The following SLC16A2 variants were observed in gnomAD, a reference collection of about 807,000 sequenced individuals.
SLC16A2 encodes the protein solute carrier family 16 member 2, also known as monocarboxylate transporter 8.
SLC16A2 carries 3 observed loss-of-function variants against 27.2 expected under a neutral mutation model. That is an observed-to-expected ratio of 0.11 (90% CI 0.05 to 0.28). SLC16A2 has a LOEUF of 0.28. Ranked by LOEUF, SLC16A2 falls within the 10% of genes least tolerant of loss-of-function variation. The pLI is 1.00. For missense variants in SLC16A2, 295 were observed against 458.5 expected, an observed-to-expected ratio of 0.64 and a Z score of 3.26; for synonymous variants, 202 against 187.8, an observed-to-expected ratio of 1.08 and a Z score of -0.62.
At chrX:74,452,666 A>G (rs1481992685) in intron 1 of SLC16A2, among the ~76,000 whole-genome samples, 1 of 111,385 alleles carries the variant, frequency 9.0e-6, no homozygotes, top group Non-Finnish European at 1.9e-5. Flanking sequence ...ATACATATAC[A>G]TTATTGCATA....
At position 74,447,445 on chromosome X, in the gene SLC16A2, GGAGGATCACTT is replaced by G. The variant is rs763002540; in HGVS notation, c.430+25383_430+25393del. Among the ~76,000 whole-genome samples the G allele has an allele frequency of 3.8e-4, 42 of 111,188 alleles. 2 individuals are homozygous for G. In the East Asian group the frequency reaches 4.0e-3, roughly 10 times the overall value. ...CCCAACACTTTGGGAGGCTGAGGTG[GGAGGATCACTT>G]GAGGCCAGGAGTTCAAGACCAGCCT... is the stretch of plus-strand genomic sequence containing the variant. On this transcript the variant is annotated intron_variant, in intron 1 of 5. Coordinates refer to ENST00000587091, the MANE Select transcript of SLC16A2 (RefSeq NM_006517.5).
intron 1 of SLC16A2, among the ~76,000 whole-genome samples, chrX:74,428,193 G>T (rs986535176): frequency 9.0e-6 from 1 of 111,312 alleles, no homozygotes; most frequent in Non-Finnish European, 1.9e-5. Flanking sequence ...GGTGACAGAA[G>T]ACTAAACCTA....
Position 74,531,698 on chromosome X carries a change from A to G in SLC16A2, c.*145A>G. 1 of 525,151 alleles carries G rather than the reference A, an allele frequency of 1.9e-6. No individual in the cohort carries two copies. The allele number at this position is 525,151 out of a possible 1,213,427, so 43.3% of individuals were successfully genotyped here. Reference sequence around the variant, plus strand: ...CACCTGACAATCTCCTTGGAGTCAAAGCTCCAGGTGTTCCAAACTCATTAA... The same window carrying G: ...CACCTGACAATCTCCTTGGAGTCAAGGCTCCAGGTGTTCCAAACTCATTAA... On this transcript the variant is annotated 3_prime_UTR_variant, in exon 6 of 6. Transcript: ENST00000587091.
chrX:74,491,287 C>G (rs146196990), intron 1 of SLC16A2, among the ~76,000 whole-genome samples: 1 of 111,876 alleles, frequency 8.9e-6, no homozygotes, highest in African/African-American at 3.3e-5. Flanking sequence ...TTAAGATATA[C>G]ATTGGTTTGG....
At chrX:74,447,110 C>G (rs888474228) in intron 1 of SLC16A2, among the ~76,000 whole-genome samples, 1 of 112,128 alleles carries the variant, frequency 8.9e-6, no homozygotes, top group Non-Finnish European at 1.9e-5. Flanking sequence ...GCATTCCTCC[C>G]CACCCTGTCC....
chrX:74,436,219 G>T (rs1209625212), intron 1 of SLC16A2, among the ~76,000 whole-genome samples: 1 of 109,359 alleles, frequency 9.1e-6, no homozygotes, highest in Non-Finnish European at 1.9e-5. Context: ...GTGTGTGTGC[G>T]CATGCGTGCA....
In SLC16A2 at chrX:74,421,777, C is replaced by A; in HGVS notation, c.140C>A (p.Pro47His). ...CCCGAGCCCGAGCCCGTGCCAGTGC[C>A]CCCGCCCGAGCCCCAGCCGGAGCCC... ...PEPEPEPVPV[P>H]PPEPQPEPQP... Residue 47 changes from proline (P) to histidine (H), a missense_variant, in exon 1 of 6, where the codon CCC becomes CAC. Physicochemically the swap from Pro to His is moderately conservative, Grantham distance 77 (BLOSUM62 -2). Around this residue, in one of 3 missense-constraint regions of SLC16A2, gnomAD observed 92 missense variants for 85.1 expected, o/e 1.08. Transcript: ENST00000587091. 8.7e-7 allele frequency: 1 copy of A among 1,145,199 alleles called. No individual in the cohort carries two copies. The allele number at this position is 1,145,199 out of a possible 1,213,427, so 94.4% of individuals were successfully genotyped here. A position where few individuals can be genotyped will look rare whatever the true frequency, so the allele number is the denominator to read the frequency against.
rs375146614 is a variant in SLC16A2 at position 74,520,963 on chromosome X, G to C, written c.431-27G>C. The C allele has an allele frequency of 7.4e-6, 9 of 1,209,248 alleles. No homozygotes were observed. The African/African-American group carries it at 1.4e-4, about 19-fold the overall frequency. ...CCACCAGGCACTACACTAAGCTAAAGTGTCTTTGCACTTGTTTTCTCTGCA... is the reference window on the plus strand; with the variant it reads ...CCACCAGGCACTACACTAAGCTAAACTGTCTTTGCACTTGTTTTCTCTGCA... On this transcript the variant is annotated intron_variant, in intron 1 of 5. Transcript: ENST00000587091.
At chrX:74,529,078 T>G in intron 4 of SLC16A2, 135 bp from the exon 5 acceptor site, 1 of 477,607 alleles carries the variant, frequency 2.1e-6, no homozygotes, top group Non-Finnish European at 3.7e-6. Context: ...GCCCAACTGC[T>G]CTCTCTGTTG....
chrX:74,434,193 C>A (rs999532052), intron 1 of SLC16A2, among the ~76,000 whole-genome samples: 5 of 111,701 alleles, frequency 4.5e-5, no homozygotes, highest in Non-Finnish European at 9.4e-5. Context: ...AGACATAACA[C>A]ACCAAACAAC....
intron 1 of SLC16A2, among the ~76,000 whole-genome samples, chrX:74,476,040 G>T (rs1225221136): frequency 9.0e-6 from 1 of 111,006 alleles, no homozygotes; most frequent in African/African-American, 3.3e-5. Flanking sequence ...AGCTTGATGG[G>T]GATGGCATTG....
chrX:74,481,974 G>A (rs371117591), intron 1 of SLC16A2, among the ~76,000 whole-genome samples: 1 of 109,794 alleles, frequency 9.1e-6, no homozygotes. Flanking sequence ...GTAACCAATA[G>A]CAGTTTCTCC....
intron 1 of SLC16A2, among the ~76,000 whole-genome samples, chrX:74,424,099 G>A (rs1408309526): frequency 9.2e-6 from 1 of 108,481 alleles, no homozygotes; most frequent in East Asian, 2.9e-4. Flanking sequence ...AGAGGGTGGG[G>A]GTGGTGGTGG....
chrX:74,459,777 G>A (rs181181205), intron 1 of SLC16A2, among the ~76,000 whole-genome samples: 1 of 111,364 alleles, frequency 9.0e-6, no homozygotes, highest in Admixed American at 9.6e-5. Flanking sequence ...TCCAGACTCG[G>A]GTGATTAAGA....
chrX:74,496,456 A>G, intron 1 of SLC16A2, among the ~76,000 whole-genome samples: 1 of 112,107 alleles, frequency 8.9e-6, no homozygotes, highest in Non-Finnish European at 1.9e-5. Context: ...CAAGGGGGAC[A>G]TGGCCTCAGC....
intron 1 of SLC16A2, among the ~76,000 whole-genome samples, chrX:74,454,327 C>T (rs1404921088): frequency 9.1e-6 from 1 of 110,180 alleles, no homozygotes; most frequent in East Asian, 2.8e-4. Flanking sequence ...GGAACCAACC[C>T]AAATGTCCAA....
At chrX:74,439,188 T>TTTCTTTCTTTC (rs1569284648) in intron 1 of SLC16A2, among the ~76,000 whole-genome samples, 4 of 90,994 alleles carry the variant, frequency 4.4e-5, no homozygotes, top group South Asian at 5.5e-4. Flanking sequence ...TTCTTTCTTT[T>TTTCTTTCTTTC]TCTTTCTTTC....
At chrX:74,513,054 G>T (rs1375569808) in intron 1 of SLC16A2, among the ~76,000 whole-genome samples, 1 of 111,442 alleles carries the variant, frequency 9.0e-6, no homozygotes, top group African/African-American at 3.3e-5. Flanking sequence ...GAACCACTGA[G>T]GAAAAGTGTG....
intron 1 of SLC16A2, among the ~76,000 whole-genome samples, chrX:74,428,594 CTCCTACACA>C (rs1482130587): frequency 4.0e-4 from 44 of 111,291 alleles, no homozygotes; most frequent in Non-Finnish European, 1.1e-4. Flanking sequence ...CACAGGCCCA[CTCCTACACA>C]TCCTACAGAG....
Sources: gnomAD v4.1 joint callset for allele counts (sites outside exome capture counted in the v4.1 genomes callset) on GRCh38, gnomAD v4.1.1 for gene constraint, gnomAD v4.1.1 regional missense constraint, MANE v1.5 for transcripts, NCBI Gene and HGNC (gene_info 2026-07-23, HGNC 2026-07-21) for gene names.